Variants in ESR1 observed in about 807,000 individuals in gnomAD.
ESR1 encodes the protein estrogen receptor 1.
In ESR1, 12 loss-of-function variants were observed where a neutral mutation model predicts 52.7. That is an observed-to-expected ratio of 0.23 (90% CI 0.15 to 0.37). The LOEUF (loss-of-function observed/expected upper bound fraction) is 0.37. Ranked by LOEUF, ESR1 falls within the 10% of genes least tolerant of loss-of-function variation. The pLI is 1.00. For missense variants in ESR1, 584 were observed against 779.7 expected, an observed-to-expected ratio of 0.75 and a Z score of 2.99; for synonymous variants, 305 against 316.8, an observed-to-expected ratio of 0.96 and a Z score of 0.39.
intron 1 of ESR1, among the ~76,000 whole-genome samples, chr6:151,696,547 G>T (rs1779364967): frequency 6.6e-6 from 1 of 151,896 alleles, no homozygotes; most frequent in African/African-American, 2.4e-5. Flanking sequence ...CATAGATGGG[G>T]TTGTTCAGTT....
intron 1 of ESR1, among the ~76,000 whole-genome samples, chr6:151,816,041 G>C (rs1583436798): frequency 6.6e-6 from 1 of 152,200 alleles, no homozygotes; most frequent in Non-Finnish European, 1.5e-5. Context: ...TCAGGCATGA[G>C]TTACAATGCT....
intron 2 of ESR1, among the ~76,000 whole-genome samples, chr6:151,734,711 C>T (rs914010919): frequency 1.3e-5 from 2 of 151,824 alleles, no homozygotes; most frequent in African/African-American, 2.4e-5. Flanking sequence ...CAGCCTCTGC[C>T]TCCTGGGTTC....
At chr6:151,696,406 A>G (rs1178007461) in intron 1 of ESR1, among the ~76,000 whole-genome samples, 2 of 151,958 alleles carry the variant, frequency 1.3e-5, no homozygotes, top group Non-Finnish European at 2.9e-5. Flanking sequence ...TGGGAGGCGG[A>G]GGTTGCAGTG....
At chr6:151,858,603 C>A (rs1448934869) in intron 2 of ESR1, among the ~76,000 whole-genome samples, 1 of 148,054 alleles carries the variant, frequency 6.8e-6, no homozygotes, top group South Asian at 2.1e-4. Flanking sequence ...TTTTTTAAAG[C>A]ATTTTATCTG....
At chr6:152,121,145 A>C (rs1470637240) in intron 6 of ESR1, among the ~76,000 whole-genome samples, 1 of 152,248 alleles carries the variant, frequency 6.6e-6, no homozygotes, top group Non-Finnish European at 1.5e-5. Flanking sequence ...ATGATACATT[A>C]AAATGCCACG....
At chr6:152,077,415 G>A (rs2048831219) in intron 6 of ESR1, among the ~76,000 whole-genome samples, 1 of 152,218 alleles carries the variant, frequency 6.6e-6, no homozygotes, top group Non-Finnish European at 1.5e-5. Context: ...ATGAGGAAGG[G>A]AAATGTGGGG....
At position 151,793,597 on chromosome 6, in the gene ESR1, G is replaced by T. The variant is rs537775864; in HGVS notation, c.-70-14246G>T. On this transcript the variant is annotated intron_variant, in intron 2 of 2. Coordinates refer to the ESR1 transcript ENST00000404742. ...TGCTTACACCAGCATCACCACACACGTGAGTAATGTGTTGTGCTGTGACAT... is the reference window on the plus strand; with the variant it reads ...TGCTTACACCAGCATCACCACACACTTGAGTAATGTGTTGTGCTGTGACAT... Among the ~76,000 whole-genome samples, 13 of 152,260 alleles carry T rather than the reference G, an allele frequency of 8.5e-5. 1 individual carries two copies. The South Asian group carries it at 2.5e-3, about 29-fold the overall frequency.
At chr6:151,952,870 C>T (rs1010383379) in intron 4 of ESR1, among the ~76,000 whole-genome samples, 21 of 152,036 alleles carry the variant, frequency 1.4e-4, no homozygotes, top group Admixed American at 6.6e-5. Flanking sequence ...CTTTAAAAGT[C>T]GTATATGTGC....
chr6:151,890,210 G>T (rs1429684028), intron 3 of ESR1, among the ~76,000 whole-genome samples: 2 of 151,470 alleles, frequency 1.3e-5, no homozygotes, highest in African/African-American at 4.9e-5. Context: ...TCAGCCTCCC[G>T]AGCAGCTGGG....
At chr6:152,077,210 A>ACAGCTCAGC (rs71268494) in intron 6 of ESR1, among the ~76,000 whole-genome samples, 175 of 152,078 alleles carry the variant, frequency 1.2e-3, no homozygotes, top group Non-Finnish European at 2.0e-3. Context: ...GGGCTGAGGT[A>ACAGCTCAGC]CCACGGTTTC....
intron 4 of ESR1, among the ~76,000 whole-genome samples, chr6:151,958,973 C>CGTGT (rs58501088): frequency 2.4e-4 from 36 of 148,844 alleles, no homozygotes; most frequent in African/African-American, 7.4e-4. Flanking sequence ...AAAAAGTTTC[C>CGTGT]GTGTGTGTGT....
intron 1 of ESR1, among the ~76,000 whole-genome samples, chr6:151,837,891 A>G (rs1429391184): frequency 5.3e-5 from 8 of 152,256 alleles, no homozygotes; most frequent in Non-Finnish European, 1.0e-4. Context: ...ATAAAGGGAT[A>G]GGGCTCGGTT....
chr6:151,944,143 A>G (rs758530006), intron 3 of ESR1, 30 bp from the exon 4 acceptor site: 2 of 1,538,976 alleles, frequency 1.3e-6, no homozygotes, highest in Admixed American at 1.8e-5. Context: ...AAAAAAATAA[A>G]CTAATTTTTT....
rs146177287 is a variant in ESR1 at position 151,674,736 on chromosome 6, C to T, written n.73+17973C>T. Among the ~76,000 whole-genome samples, 694 of 152,234 alleles carry T rather than the reference C, an allele frequency of 4.6e-3. 11 individuals carry two copies. The highest frequency in any genetic ancestry group is 0.016 in the African/African-American group (651 of 41,538). On this transcript the variant is annotated intron_variant and non_coding_transcript_variant, in intron 1 of 2. Transcript: ENST00000473497. ...GATCGCCATTCTAACTGGCGTGAGA[C>T]GGTATTTCATTGTGGTTTTGATTTG...
intron 3 of ESR1, among the ~76,000 whole-genome samples, chr6:151,926,112 T>C (rs2032693479): frequency 6.6e-6 from 1 of 152,214 alleles, no homozygotes; most frequent in African/African-American, 2.4e-5. Context: ...TCTCATTTAA[T>C]TGGCTCTTCT....
chr6:151,976,085 T>C (rs1302097919), intron 4 of ESR1, among the ~76,000 whole-genome samples: 4 of 152,206 alleles, frequency 2.6e-5, no homozygotes, highest in Non-Finnish European at 5.9e-5. Flanking sequence ...TGATGGTGTA[T>C]ATTACTTTTA....
chr6:152,033,943 A>G (rs1180772239), intron 5 of ESR1, among the ~76,000 whole-genome samples: 3 of 152,218 alleles, frequency 2.0e-5, no homozygotes, highest in African/African-American at 4.8e-5. Flanking sequence ...CATATATACC[A>G]TGGAATACTA....
chr6:151,986,266 G>A lies in ESR1; in HGVS notation c.1097-25390G>A, dbSNP rs183438301. On this transcript the variant is annotated intron_variant, in intron 4 of 7. Coordinates refer to ENST00000206249, the MANE Select transcript of ESR1 (RefSeq NM_000125.4). ...AATTCAAGAGGTAATATTTTAATAC[G>A]ATATTTGTAAAAAATCAAAATTAGT... 2.3e-3 allele frequency among the ~76,000 whole-genome samples: 344 copies of A among 152,204 alleles called. 4 individuals are homozygous for A. Among genetic ancestry groups the A allele is most frequent in the Non-Finnish European group, 3.9e-3 (266 of 68,002 alleles).
At chr6:151,923,623 A>C (rs1444283910) in intron 3 of ESR1, among the ~76,000 whole-genome samples, 1 of 152,190 alleles carries the variant, frequency 6.6e-6, no homozygotes, top group Non-Finnish European at 1.5e-5. Flanking sequence ...AGCAATATTC[A>C]TGTAAGTTTC....
Sources: allele counts gnomAD v4.1 joint callset (sites outside exome capture counted in the v4.1 genomes callset), GRCh38; gene constraint gnomAD v4.1.1; transcripts MANE v1.5; gene names NCBI Gene and HGNC (gene_info 2026-07-23, HGNC 2026-07-21).